CRYZL1: variants seen among roughly 807,000 people sequenced by gnomAD.
CRYZL1 encodes the protein crystallin zeta like 1, also known as ferry endosomal RAB5 effector complex subunit 4.
A neutral mutation model predicts 50.6 loss-of-function variants in CRYZL1; 34 were observed. The observed-to-expected ratio is 0.67, with a 90% CI of 0.51 to 0.89. The LOEUF is 0.89. Ranked by LOEUF, CRYZL1 falls within the 40% of genes least tolerant of loss-of-function variation. CRYZL1 has a pLI of 0.00. For missense variants in CRYZL1, 354 were observed against 402.3 expected (o/e 0.88, Z 1.03); for synonymous variants, 125 against 134.3 (o/e 0.93, Z 0.48).
chr21:33,597,943 A>C (rs1024753938), intron 9 of CRYZL1, among the ~76,000 whole-genome samples: 1 of 152,324 alleles, frequency 6.6e-6, no homozygotes, highest in Non-Finnish European at 1.5e-5. Flanking sequence ...CAAATGAGGA[A>C]ATATTTTTCT....
intron 3 of CRYZL1, 26 bp from the exon 4 acceptor site, chr21:33,622,094 A>G: frequency 1.3e-6 from 2 of 1,579,230 alleles, no homozygotes; most frequent in Non-Finnish European, 1.7e-6. Context: ...GGCAGTTAAC[A>G]TACTATTGTC....
chr21:33,597,263 A>G lies in CRYZL1; in HGVS notation c.798+17T>C. 1 of 1,612,296 alleles carries G rather than the reference A, an allele frequency of 6.2e-7. No homozygotes were observed. Among genetic ancestry groups the G allele is most frequent in the Non-Finnish European group, 8.5e-7 (1 of 1,178,976 alleles). On this transcript the variant is annotated intron_variant, in intron 10 of 12. Coordinates refer to ENST00000381554, the MANE Select transcript of CRYZL1 (RefSeq NM_145858.3). ...CCCTTTGGTGTAATGGTAACGCTTT[A>G]TGGTTTCTGATAGTACCTGAAGGTT...
Position 33,630,949 on chromosome 21 carries a change from G to A in CRYZL1, c.66+537C>T, listed in dbSNP as rs1375199777. 1.3e-5 allele frequency among the ~76,000 whole-genome samples: 2 copies of A among 152,168 alleles called. 1 individual carries two copies. Among genetic ancestry groups the A allele is most frequent in the Non-Finnish European group, 2.9e-5 (2 of 68,032 alleles). On this transcript the variant is annotated intron_variant, in intron 2 of 12. Transcript: ENST00000381554. ...AATATGGAATCTAAGACAGTTGATT[G>A]CATAGACGTAGAGAGTCCAATAATG...
chr21:33,636,318 T>G (rs996861988), intron 1 of CRYZL1, among the ~76,000 whole-genome samples: 4 of 151,428 alleles, frequency 2.6e-5, no homozygotes, highest in Admixed American at 6.6e-5. Context: ...TGAGCTATAA[T>G]CAACACTGCA....
intron 1 of CRYZL1, among the ~76,000 whole-genome samples, chr21:33,632,120 C>T (rs967319037): frequency 2.1e-5 from 3 of 145,928 alleles, no homozygotes; most frequent in African/African-American, 5.1e-5. Context: ...GTCAGGAGTT[C>T]GAGATCAGCC....
At chr21:33,592,789 C>T (rs562083265) in intron 11 of CRYZL1, among the ~76,000 whole-genome samples, 80 of 152,170 alleles carry the variant, frequency 5.3e-4, no homozygotes, top group East Asian at 2.7e-3. Context: ...CGGTGGCTAA[C>T]GCCTGTAATC....
intron 5 of CRYZL1, among the ~76,000 whole-genome samples, chr21:33,615,098 C>G (rs2834241): frequency 0.027 from 4,064 of 151,660 alleles, 196 homozygotes; most frequent in African/African-American, 0.092. Flanking sequence ...GAATTTCAAG[C>G]ATGCTATAAT....
intron 1 of CRYZL1, among the ~76,000 whole-genome samples, chr21:33,632,314 A>G (rs1040604788): frequency 2.6e-5 from 4 of 152,162 alleles, no homozygotes; most frequent in African/African-American, 9.6e-5. Flanking sequence ...CCTGGGGAAC[A>G]AGAGCGAAAC....
intron 4 of CRYZL1, among the ~76,000 whole-genome samples, chr21:33,621,775 T>C (rs1302315618): frequency 6.6e-6 from 1 of 152,146 alleles, no homozygotes; most frequent in Non-Finnish European, 1.5e-5. Context: ...GCAGGATTGC[T>C]TGAACCCAGG....
At chr21:33,612,698 A>G (rs2145936363) in intron 6 of CRYZL1, among the ~76,000 whole-genome samples, 1 of 152,332 alleles carries the variant, frequency 6.6e-6, no homozygotes, top group South Asian at 2.1e-4. Flanking sequence ...ACTGTTTAAT[A>G]TGGTTTCATG....
rs553532706 is a variant in CRYZL1, at chr21:33,590,956, G to A, written c.950+206C>T. Among the ~76,000 whole-genome samples, 23 of 152,254 alleles carry A rather than the reference G, an allele frequency of 1.5e-4. 1 individual carries two copies. The South Asian group carries it at 3.1e-3, about 21-fold the overall frequency. ...AATATTAAAGAGCAGCTATTTAAAC[G>A]AAATATAAGATCAGTGCAAAAGTAA... On this transcript the variant is annotated intron_variant, in intron 12 of 12. Coordinates refer to ENST00000381554, the MANE Select transcript of CRYZL1 (RefSeq NM_145858.3).
intron 10 of CRYZL1, 88 bp from the exon 11 acceptor site, chr21:33,595,924 A>C: frequency 1.2e-6 from 1 of 819,542 alleles, no homozygotes; most frequent in South Asian, 1.5e-5. Flanking sequence ...ACTTCTACAC[A>C]AATTAAATGA....
At chr21:33,625,833 TA>T (rs888040581) in intron 2 of CRYZL1, among the ~76,000 whole-genome samples, 286 of 151,046 alleles carry the variant, frequency 1.9e-3, no homozygotes, top group African/African-American at 6.4e-3. Flanking sequence ...AAAATATAAT[TA>T]AAAAAAAATA....
chr21:33,617,381 A>T (rs2086945993), intron 4 of CRYZL1, among the ~76,000 whole-genome samples: 1 of 152,256 alleles, frequency 6.6e-6, no homozygotes, highest in East Asian at 1.9e-4. Context: ...TTCTATGATA[A>T]TTATATTGTT....
At chr21:33,614,107 G>T (rs1405758148) in intron 5 of CRYZL1, among the ~76,000 whole-genome samples, 1 of 150,918 alleles carries the variant, frequency 6.6e-6, no homozygotes. Context: ...GGGAGGTGGA[G>T]GTTGTAGTGA....
At chr21:33,613,828 T>C (rs1239824645) in intron 5 of CRYZL1, among the ~76,000 whole-genome samples, 1 of 152,198 alleles carries the variant, frequency 6.6e-6, no homozygotes, top group Admixed American at 6.5e-5. Flanking sequence ...TGATGGCTGA[T>C]GTTATAGAAC....
rs145481615 is a variant in CRYZL1 at position 33,631,540 on chromosome 21, T to C, written c.12A>G (p.Leu4=). 6.3e-4 allele frequency: 950 copies of C among 1,511,460 alleles called. 6 individuals are homozygous for C. The East Asian group carries it at 0.015, about 24-fold the overall frequency. The allele number at this position is 1,511,460 out of a possible 1,614,324, so 93.6% of individuals were successfully genotyped here. A position where few individuals can be genotyped will look rare whatever the true frequency, so the allele number is the denominator to read the frequency against. The change falls in exon 2 of 13, where the codon TTA becomes TTG. Residue 4 remains leucine, a synonymous_variant. Coordinates refer to ENST00000381554, the MANE Select transcript of CRYZL1 (RefSeq NM_145858.3). The stretch of plus-strand genomic sequence containing the variant: ...CATCTGTGGAACTCTGTTGGAAATA[T>C]AAGCCTTTCATAGTCACCTAAAAAT... MKG[L]YFQQSSTDEE...
intron 10 of CRYZL1, 161 bp from the exon 11 acceptor site, chr21:33,595,997 C>T: frequency 1.6e-6 from 1 of 633,232 alleles, no homozygotes; most frequent in East Asian, 2.8e-5. Context: ...TTTTCTATTT[C>T]ATGGTCCAAA....
intron 1 of CRYZL1, chr21:33,639,911 C>T (rs1037724369): frequency 5.0e-5 from 15 of 302,844 alleles, no homozygotes; most frequent in South Asian, 1.5e-4. Flanking sequence ...CTGTAACCTC[C>T]GCCTCCCGGG....
Sources: gnomAD v4.1 joint callset for allele counts (sites outside exome capture counted in the v4.1 genomes callset) on GRCh38, gnomAD v4.1.1 for gene constraint, MANE v1.5 for transcripts, NCBI Gene and HGNC (gene_info 2026-07-23, HGNC 2026-07-21) for gene names.